The following TCF20 variants were observed in gnomAD, a reference collection of about 807,000 sequenced individuals.
The protein encoded by TCF20 is SPRE-binding protein.
A neutral mutation model predicts 148.6 loss-of-function variants in TCF20; 3 were observed. That is an observed-to-expected ratio of 0.02 (90% CI 0.01 to 0.05). The LOEUF (loss-of-function observed/expected upper bound fraction) is 0.05, where lower values mean the gene tolerates loss of function less well. Ranked by LOEUF, TCF20 falls within the 10% of genes least tolerant of loss-of-function variation. The pLI is 1.00. For missense variants in TCF20, 2,350 were observed against 2,429.3 expected, an observed-to-expected ratio of 0.97 and a Z score of 0.69; for synonymous variants, 1,049 against 909.5, an observed-to-expected ratio of 1.15 and a Z score of -2.76.
intron 1 of TCF20, among the ~76,000 whole-genome samples, chr22:42,294,092 C>G (rs1927182162): frequency 6.6e-6 from 1 of 152,180 alleles, no homozygotes; most frequent in African/African-American, 2.4e-5. Flanking sequence ...GGACAGGAGC[C>G]AGGAAGAGCC....
intron 3 of TCF20, among the ~76,000 whole-genome samples, chr22:42,172,873 C>T (rs2147068821): frequency 6.6e-6 from 1 of 152,304 alleles, no homozygotes; most frequent in Admixed American, 6.5e-5. Context: ...CCCTGCCTTG[C>T]CGAAGGGTAG....
rs188322734 is a variant in TCF20, at chr22:42,330,533, G to A, written c.-37+12946C>T. 3.8e-3 allele frequency among the ~76,000 whole-genome samples: 582 copies of A among 152,314 alleles called. 2 individuals carry two copies. Among genetic ancestry groups the A allele is most frequent in the Middle Eastern group, 6.8e-3 (2 of 294 alleles). On this transcript the variant is annotated intron_variant, in intron 1 of 1. Coordinates refer to the TCF20 transcript ENST00000515426. Reference sequence around the variant, plus strand: ...CCCTAGATGAGGTCACAGCCCCACAGTCTCCCCCAAACCAGACTGAAAACT... The same window carrying A: ...CCCTAGATGAGGTCACAGCCCCACAATCTCCCCCAAACCAGACTGAAAACT...
chr22:42,209,629 G>C, intron 2 of TCF20, 22 bp downstream of exon 2: 1 of 1,562,474 alleles, frequency 6.4e-7, no homozygotes, highest in South Asian at 1.2e-5. Context: ...TCCCAAGCTG[G>C]TAAGAGATTT....
chr22:42,173,471 A>T (rs1936258751), intron 3 of TCF20, among the ~76,000 whole-genome samples: 2 of 152,012 alleles, frequency 1.3e-5, no homozygotes, highest in African/African-American at 4.8e-5. Flanking sequence ...CTGAGACATC[A>T]ACAGCTCTTT....
At chr22:42,258,408 A>G (rs898199903) in intron 1 of TCF20, among the ~76,000 whole-genome samples, 55 of 152,018 alleles carry the variant, frequency 3.6e-4, no homozygotes, top group Admixed American at 2.6e-3. Context: ...TTACTACCCA[A>G]CGCCAATCAC....
intron 1 of TCF20, among the ~76,000 whole-genome samples, chr22:42,227,252 G>A (rs55867855): frequency 0.18 from 27,038 of 152,116 alleles, 2,648 homozygotes; most frequent in East Asian, 0.34. Flanking sequence ...ACTCCAGCCT[G>A]GGAGACAGAG....
At chr22:42,272,317 G>A (rs1926652621), upstream of TCF20, among the ~76,000 whole-genome samples, 1 of 152,228 alleles carries the variant, frequency 6.6e-6, no homozygotes, top group Non-Finnish European at 1.5e-5. Context: ...ACAAATCAAT[G>A]TTTTCTGGAC....
At chr22:42,265,773 G>A (rs1247173311) in intron 1 of TCF20, among the ~76,000 whole-genome samples, 1 of 152,182 alleles carries the variant, frequency 6.6e-6, no homozygotes, top group Non-Finnish European at 1.5e-5. Flanking sequence ...CTGAGTGAGA[G>A]CAGTCACCAT....
At chr22:42,271,728 C>T (rs998935994), upstream of TCF20, among the ~76,000 whole-genome samples, 3 of 152,120 alleles carry the variant, frequency 2.0e-5, no homozygotes, top group Non-Finnish European at 2.9e-5. Flanking sequence ...ATTAGGCTCC[C>T]ATCTGTCCTA....
chr22:42,198,945 G>A (rs755516978), intron 2 of TCF20, among the ~76,000 whole-genome samples: 7 of 152,250 alleles, frequency 4.6e-5, no homozygotes, highest in Admixed American at 2.6e-4. Flanking sequence ...GATTACAGGC[G>A]TGAGCCACTG....
chr22:42,323,284 G>C (rs1303363516), intron 1 of TCF20, among the ~76,000 whole-genome samples: 2 of 151,558 alleles, frequency 1.3e-5, no homozygotes, highest in Non-Finnish European at 3.0e-5. Flanking sequence ...GCCCGGAAGG[G>C]TCTGAGCCTC....
chr22:42,257,643 G>A (rs890417916), intron 1 of TCF20, among the ~76,000 whole-genome samples: 2 of 152,208 alleles, frequency 1.3e-5, no homozygotes, highest in Non-Finnish European at 2.9e-5. Flanking sequence ...AAGGACCTTA[G>A]AGCCTAGTGA....
At chr22:42,175,582 G>C (rs953062488) in intron 3 of TCF20, among the ~76,000 whole-genome samples, 1 of 151,544 alleles carries the variant, frequency 6.6e-6, no homozygotes, top group Admixed American at 6.6e-5. Context: ...CTTGTGATCC[G>C]CCCACTTCGG....
chr22:42,249,781 T>C (rs1303660112), intron 1 of TCF20, among the ~76,000 whole-genome samples: 3 of 152,244 alleles, frequency 2.0e-5, no homozygotes, highest in African/African-American at 7.2e-5. Flanking sequence ...CCTTCACACA[T>C]AGTGCCAATT....
chr22:42,199,151 T>C (rs937855209), intron 2 of TCF20, among the ~76,000 whole-genome samples: 4 of 152,214 alleles, frequency 2.6e-5, no homozygotes, highest in African/African-American at 9.6e-5. Flanking sequence ...CCATTAGTTT[T>C]ACAATAAGAA....
At chr22:42,283,368 C>T (rs1385281262) in intron 1 of TCF20, among the ~76,000 whole-genome samples, 1 of 151,508 alleles carries the variant, frequency 6.6e-6, no homozygotes, top group Admixed American at 6.6e-5. Flanking sequence ...CTGCGCACGG[C>T]GGCTGGATCT....
Position 42,242,910 on chromosome 22 carries a change from G to A in TCF20, c.-37+27429C>T, listed in dbSNP as rs552134480. 2.6e-5 allele frequency among the ~76,000 whole-genome samples: 4 copies of A among 151,862 alleles called. 1 individual carries two copies. In the East Asian group the frequency reaches 7.8e-4, roughly 29 times the overall value. On this transcript the variant is annotated intron_variant, in intron 1 of 5. Transcript: ENST00000677622. The stretch of plus-strand genomic sequence containing the variant: ...TCAAAAAAAGAAAAAAGACATGCAG[G>A]AACCTTAAATGATTATTGCTAAGTG...
intron 1 of TCF20, among the ~76,000 whole-genome samples, chr22:42,332,437 C>T (rs753169668): frequency 2.0e-5 from 3 of 152,120 alleles, no homozygotes; most frequent in African/African-American, 7.2e-5. Context: ...TAAGCAAGGG[C>T]AGCACTCTGG....
intron 1 of TCF20, among the ~76,000 whole-genome samples, chr22:42,242,102 C>T (rs1234572469): frequency 3.4e-5 from 5 of 147,076 alleles, no homozygotes; most frequent in African/African-American, 1.3e-4. Flanking sequence ...ACTCGGGAGG[C>T]CGAGGCAGAA....
Sources: gnomAD v4.1 joint callset for allele counts (sites outside exome capture counted in the v4.1 genomes callset) on GRCh38, gnomAD v4.1.1 for gene constraint, MANE v1.5 for transcripts, NCBI Gene and HGNC (gene_info 2026-07-23, HGNC 2026-07-21) for gene names.